RASIP1: variants seen among roughly 807,000 people sequenced by gnomAD.
RASIP1 encodes ras-interacting protein 1.
Under a neutral mutation model 85.3 loss-of-function variants are expected in RASIP1, and 20 were observed. The observed-to-expected ratio is 0.23, with a 90% confidence interval of 0.17 to 0.34. The LOEUF (loss-of-function observed/expected upper bound fraction) is 0.34, where lower values mean the gene tolerates loss of function less well. RASIP1 is among the 10% of genes least tolerant of loss of function. RASIP1 has a pLI of 1.00. For missense variants in RASIP1, 1,170 were observed against 1,390.9 expected (o/e 0.84, Z 2.53); for synonymous variants, 617 against 647.1 (o/e 0.95, Z 0.71).
intron 4 of RASIP1, 97 bp downstream of exon 4, chr19:48,735,099 G>A (rs2033544923): frequency 7.8e-6 from 9 of 1,159,646 alleles, no homozygotes; most frequent in Non-Finnish European, 1.1e-5. Flanking sequence ...CTTGAGGCTA[G>A]CGCGCCCCGG....
intron 3 of RASIP1, chr19:48,737,594 G>C: frequency 1.0e-6 from 1 of 985,284 alleles, no homozygotes; most frequent in South Asian, 4.7e-5. Flanking sequence ...GCCCATCTTA[G>C]TCCCAGCAGG....
intron 4 of RASIP1, among the ~76,000 whole-genome samples, chr19:48,731,319 A>G (rs1363744527): frequency 6.6e-6 from 1 of 151,772 alleles, no homozygotes; most frequent in Non-Finnish European, 1.5e-5. Flanking sequence ...CAATATTCCT[A>G]CAATGGACTC....
intron 3 of RASIP1, among the ~76,000 whole-genome samples, chr19:48,736,445 C>T (rs1206198797): frequency 6.6e-6 from 1 of 152,078 alleles, no homozygotes; most frequent in East Asian, 1.9e-4. Flanking sequence ...TGACTACCTA[C>T]TACATGCTTA....
intron 11 of RASIP1, 93 bp from the exon 12 acceptor site, chr19:48,721,090 G>GA (rs1187294186): frequency 8.8e-7 from 1 of 1,135,406 alleles, no homozygotes; most frequent in Non-Finnish European, 1.2e-6. Flanking sequence ...CCCAAAGGAA[G>GA]AAAAAAACTA....
Position 48,721,921 on chromosome 19 carries a change from C to T in RASIP1, c.2625G>A (p.Leu875=), listed in dbSNP as rs1223825893. 4 of 1,598,944 alleles carry T rather than the reference C, an allele frequency of 2.5e-6. No individual in the cohort carries two copies. In the Admixed American group the frequency reaches 5.2e-5, roughly 21 times the overall value. The change falls in exon 11 of 12, where the codon CTG becomes CTA. Residue 875 remains leucine, a synonymous_variant. Coordinates refer to ENST00000222145, the MANE Select transcript of RASIP1 (RefSeq NM_017805.3). ...QLHHLLSHYQ[L]GPGRGPPAAW... Reference sequence around the variant, plus strand: ...CGGCTGGCGGCCCGCGGCCAGGGCCCAGCTGATAGTGGCTGAGCAGATGGT... The same window carrying T: ...CGGCTGGCGGCCCGCGGCCAGGGCCTAGCTGATAGTGGCTGAGCAGATGGT...
chr19:48,735,336 G>A lies in RASIP1; in HGVS notation c.1039C>T (p.Leu347Phe), dbSNP rs376788451. 3.1e-6 allele frequency: 5 copies of A among 1,613,524 alleles called. No individual in the cohort carries two copies. In the African/African-American group the frequency reaches 6.7e-5, roughly 22 times the overall value. Residue 347 changes from leucine (L) to phenylalanine (F), a missense_variant, in exon 4 of 12, where the codon CTT becomes TTT. Leu to Phe is a conservative substitution (Grantham distance 22). Coordinates refer to ENST00000222145, the MANE Select transcript of RASIP1 (RefSeq NM_017805.3). Reference sequence around the variant, plus strand: ...TCGGCTGCCCCTGGGGCCATGCTAAGTGCCTGCTGTCTCCGCTCCTGCTGC... The same window carrying A: ...TCGGCTGCCCCTGGGGCCATGCTAAATGCCTGCTGTCTCCGCTCCTGCTGC... ...RRQQERRQQA[L>F]SMAPGAADAQ...
At chr19:48,730,399 T>C (rs553800561) in intron 4 of RASIP1, among the ~76,000 whole-genome samples, 1 of 152,022 alleles carries the variant, frequency 6.6e-6, no homozygotes, top group Non-Finnish European at 1.5e-5. Flanking sequence ...CTTGACCTTG[T>C]GATCCGCCTG....
chr19:48,735,505 C>A lies in RASIP1; in HGVS notation c.870G>T (p.Ala290=). 1 of 1,550,174 alleles carries A rather than the reference C, an allele frequency of 6.5e-7. No homozygotes were observed. Among genetic ancestry groups the A allele is most frequent in the East Asian group, 2.4e-5 (1 of 41,104 alleles). ...SWRPQKNRSR[A]ASGGAALASP... ...TGGCCAGCGCTGCCCCACCCGACGC[C>A]GCCCGGGAGCGGTTCTTCTGTGGCC... Residue 290 remains alanine (A), a synonymous_variant, in exon 4 of 12, where the codon GCG becomes GCT. Coordinates refer to ENST00000222145, the MANE Select transcript of RASIP1 (RefSeq NM_017805.3).
chr19:48,721,096 A>C (rs554364044), intron 11 of RASIP1, 99 bp from the exon 12 acceptor site: 1 of 1,077,124 alleles, frequency 9.3e-7, no homozygotes, highest in Admixed American at 2.8e-5. Flanking sequence ...GGAAGAAAAA[A>C]ACTACAAACC....
chr19:48,732,342 G>A (rs957463683), intron 4 of RASIP1, among the ~76,000 whole-genome samples: 2 of 149,896 alleles, frequency 1.3e-5, no homozygotes, highest in African/African-American at 2.5e-5. Context: ...TACAAGCTCC[G>A]CCTCCCAGGT....
At position 48,729,304 on chromosome 19, in the gene RASIP1, T is replaced by G. The variant is rs1599739555; in HGVS notation, c.1466A>C (p.Asp489Ala). 3.2e-6 allele frequency: 5 copies of G among 1,554,142 alleles called. No individual in the cohort carries two copies. The highest frequency in any genetic ancestry group is 4.3e-6 in the Non-Finnish European group (5 of 1,150,098). The change falls in exon 5 of 12, where the codon GAC (aspartate) becomes GCC (alanine). Residue 489 changes from aspartate (D) to alanine (A), a missense_variant. By Grantham distance (126) the Asp-to-Ala change is moderately radical (BLOSUM62 -2). Around this residue, in one of 4 missense-constraint regions of RASIP1, gnomAD observed 426 missense variants for 576.2 expected, o/e 0.74. Transcript: ENST00000222145. ...AGGCCCCGAGCCCCCAGTGCGGGGG[T>G]CCTTGTACATGAACAGGAAGTGCTC... is the stretch of plus-strand genomic sequence containing the variant. ...LGEHFLFMYK[D>A]PRTGGSGPAR...
intron 5 of RASIP1, 85 bp from the exon 6 acceptor site, chr19:48,727,515 A>C: frequency 1.4e-6 from 2 of 1,411,780 alleles, no homozygotes; most frequent in Non-Finnish European, 2.0e-6. Context: ...ATAGAAGCAC[A>C]ACTCTCATAG....
At position 48,721,962 on chromosome 19, in the gene RASIP1, T is replaced by C; in HGVS notation, c.2584A>G (p.Thr862Ala). ...AGCAGATGGTGCAGCTGGGCGGGGG[T>C]CAAGGTGGGGTGGTCGGTTCTTAGG... Reference protein sequence around the residue: ...SSLRTDHPTLTPAQLHHLLSH... With the variant: ...SSLRTDHPTLAPAQLHHLLSH... Residue 862 changes from threonine to alanine, a missense_variant, in exon 11 of 12, where the codon ACC (threonine) becomes GCC (alanine). Transcript: ENST00000222145. 1 of 1,533,558 alleles carries C rather than the reference T, an allele frequency of 6.5e-7. No individual in the cohort carries two copies. The highest frequency in any genetic ancestry group is 2.4e-5 in the East Asian group (1 of 41,508). The allele number at this position is 1,533,558 out of a possible 1,614,324, so 95.0% of individuals were successfully genotyped here.
intron 3 of RASIP1, chr19:48,737,756 C>T (rs1459877628): frequency 3.0e-6 from 3 of 985,076 alleles, no homozygotes; most frequent in Non-Finnish European, 3.6e-6. Context: ...CACCACTCCT[C>T]GCGGGACCCA....
Position 48,728,922 on chromosome 19 carries a change from T to A in RASIP1, c.1833+15A>T, listed in dbSNP as rs933913512. On this transcript the variant is annotated intron_variant, in intron 5 of 11. Transcript: ENST00000222145. ...GGGCGCTGGTGGGGCTGGACGGCGA[T>A]TGGGGGGCGCTCACCCAGACGGCCT... 7.0e-7 allele frequency: 1 copy of A among 1,432,422 alleles called. No individual in the cohort carries two copies. The highest frequency in any genetic ancestry group is 3.0e-5 in the East Asian group (1 of 33,102). 88.7% of individuals were successfully genotyped at this position (1,432,422 alleles called of 1,614,324 possible).
intron 8 of RASIP1, among the ~76,000 whole-genome samples, chr19:48,726,231 T>A (rs1264312150): frequency 6.6e-6 from 1 of 151,978 alleles, no homozygotes; most frequent in African/African-American, 2.4e-5. Flanking sequence ...GGCGTTATAT[T>A]ACTCTTTTGA....
chr19:48,720,666 C>G lies in RASIP1; in HGVS notation c.*132G>C. On this transcript the variant is annotated 3_prime_UTR_variant, in exon 12 of 12. Coordinates refer to ENST00000222145, the MANE Select transcript of RASIP1 (RefSeq NM_017805.3). ...TCCCACCGTCCCATCCGCTACTTCC[C>G]GAAAACTCAATCTCCCAACATTCCA... 1 of 1,045,040 alleles carries G rather than the reference C, an allele frequency of 9.6e-7. No homozygotes were observed. Among genetic ancestry groups the G allele is most frequent in the Admixed American group, 2.0e-5 (1 of 49,162 alleles). 64.7% of individuals were successfully genotyped at this position (1,045,040 alleles called of 1,614,324 possible). A position where few individuals can be genotyped will look rare whatever the true frequency, so the allele number is the denominator to read the frequency against.
At position 48,730,316 on chromosome 19, in the gene RASIP1, C is replaced by G. The variant is rs760322066; in HGVS notation, c.1180-726G>C. 6.6e-4 allele frequency among the ~76,000 whole-genome samples: 100 copies of G among 152,066 alleles called. 2 individuals carry two copies. The highest frequency in any genetic ancestry group is 1.6e-4 in the Non-Finnish European group (11 of 68,016). On this transcript the variant is annotated intron_variant, in intron 4 of 11. Transcript: ENST00000222145. ...GAGTAGTTGAGACTACAGGCGCGCA[C>G]CATCACGCCCAGCTAATTTTTGTAT...
chr19:48,737,577 C>G (rs920690706), intron 3 of RASIP1: 1 of 985,310 alleles, frequency 1.0e-6, no homozygotes, highest in Non-Finnish European at 1.2e-6. Context: ...GGCCCCTCAG[C>G]GGCTCCGCCC....
Sources: allele counts gnomAD v4.1 joint callset (sites outside exome capture counted in the v4.1 genomes callset), GRCh38; gene constraint gnomAD v4.1.1; regional missense constraint gnomAD v4.1.1; transcripts MANE v1.5; gene names NCBI Gene and HGNC (gene_info 2026-07-23, HGNC 2026-07-21).